The following TATDN1 variants were observed in gnomAD, a reference collection of about 807,000 sequenced individuals.
The protein encoded by TATDN1 is TatD DNase domain containing 1.
TATDN1 carries 40 observed loss-of-function variants against 46.4 expected under a neutral mutation model. That is an observed-to-expected ratio of 0.86 (90% confidence interval 0.67 to 1.12). The LOEUF (loss-of-function observed/expected upper bound fraction) is 1.12, where lower values mean the gene tolerates loss of function less well. Among genes scored for constraint, TATDN1 ranks in the 50% most tolerant of loss-of-function variants. The probability of loss-of-function intolerance (pLI) is 0.00; values close to 1 mark genes in which losing one functional copy is unlikely to be tolerated. For synonymous variants in TATDN1, 95 were observed against 105.6 expected, an observed-to-expected ratio of 0.90 and a Z score of 0.62; for missense variants, 326 against 348.4, an observed-to-expected ratio of 0.94 and a Z score of 0.51.
chr8:124,504,208 G>C (rs1818210197), intron 9 of TATDN1, 63 bp downstream of exon 9: 1 of 1,233,778 alleles, frequency 8.1e-7, no homozygotes, highest in Non-Finnish European at 1.2e-6. Flanking sequence ...GCAATTCACT[G>C]TAAGACAATT....
At chr8:124,509,629 C>T (rs1818830676) in intron 6 of TATDN1, among the ~76,000 whole-genome samples, 1 of 152,190 alleles carries the variant, frequency 6.6e-6, no homozygotes, top group Non-Finnish European at 1.5e-5. Flanking sequence ...TTAACTTAAG[C>T]CTCTCTTGCT....
At chr8:124,499,186 T>C (rs1336369336) in intron 9 of TATDN1, among the ~76,000 whole-genome samples, 1 of 151,868 alleles carries the variant, frequency 6.6e-6, no homozygotes, top group Non-Finnish European at 1.5e-5. Context: ...TTAGGAGGGG[T>C]GGGTGAGATG....
At chr8:124,511,645 TTC>T (rs1819027222) in intron 6 of TATDN1, among the ~76,000 whole-genome samples, 1 of 152,170 alleles carries the variant, frequency 6.6e-6, no homozygotes, top group Admixed American at 6.5e-5. Context: ...CACTCTTTGC[TTC>T]TCTTTCTTAG....
intron 1 of TATDN1, among the ~76,000 whole-genome samples, chr8:124,527,204 T>C (rs1820575936): frequency 6.6e-6 from 1 of 152,166 alleles, no homozygotes; most frequent in South Asian, 2.1e-4. Flanking sequence ...TCATGAAAGG[T>C]GGATTCATGC....
rs570941232 is a variant in TATDN1, at chr8:124,532,012, T to G, written c.22+7013A>C. On this transcript the variant is annotated intron_variant, in intron 1 of 11. Coordinates refer to ENST00000276692, the MANE Select transcript of TATDN1 (RefSeq NM_032026.4). ...ATTTCCCTCTTCCAGACTCCAAGACTGTCTTTTGTGAAAATAAGTCTGGAA... is the reference window on the plus strand; with the variant it reads ...ATTTCCCTCTTCCAGACTCCAAGACGGTCTTTTGTGAAAATAAGTCTGGAA... Among the ~76,000 whole-genome samples the G allele has an allele frequency of 3.3e-5, 5 of 152,170 alleles. No homozygotes were observed. In the South Asian group the frequency reaches 1.0e-3, roughly 31 times the overall value.
chr8:124,508,588 T>TTGGTTTTAACTCACCCAAAAATTCA lies in TATDN1; in HGVS notation c.465_475+14dup. On this transcript the variant is annotated intron_variant, in intron 7 of 11. Transcript: ENST00000276692. ...AAATTCTTAAGTTCTGAATGAGACTTTGGTTTTAACTCACCCAAAAATTCA... is the reference window on the plus strand; with the variant it reads ...AAATTCTTAAGTTCTGAATGAGACTTTGGTTTTAACTCACCCAAAAATTCATGGTTTTAACTCACCCAAAAATTCA... 6.2e-7 allele frequency: 1 copy of TTGGTTTTAACTCACCCAAAAATTCA among 1,605,806 alleles called. No homozygotes were observed. The highest frequency in any genetic ancestry group is 8.5e-7 in the Non-Finnish European group (1 of 1,176,874).
chr8:124,507,167 A>G (rs959981376), intron 8 of TATDN1, among the ~76,000 whole-genome samples: 1 of 152,176 alleles, frequency 6.6e-6, no homozygotes, highest in Middle Eastern at 3.4e-3. Flanking sequence ...TCTCAAAAAA[A>G]AAAAAATCAC....
chr8:124,497,176 G>T (rs1406351034), intron 9 of TATDN1, among the ~76,000 whole-genome samples: 1 of 152,062 alleles, frequency 6.6e-6, no homozygotes, highest in Non-Finnish European at 1.5e-5. Flanking sequence ...TTTATCTGTT[G>T]AAGAAACCAA....
chr8:124,517,372 G>A (rs1819570209), intron 4 of TATDN1, among the ~76,000 whole-genome samples: 1 of 150,282 alleles, frequency 6.7e-6, no homozygotes, highest in African/African-American at 2.4e-5. Context: ...AGGTTGCCGT[G>A]AGCCGAGATC....
intron 1 of TATDN1, among the ~76,000 whole-genome samples, chr8:124,532,605 T>C (rs1821064039): frequency 6.6e-6 from 1 of 152,180 alleles, no homozygotes; most frequent in Non-Finnish European, 1.5e-5. Flanking sequence ...CTTAATAGGT[T>C]GTCCAGAGGA....
In TATDN1 at chr8:124,488,637, G is replaced by A. The variant is rs769128343; in HGVS notation, c.851C>T (p.Thr284Ile). The change falls in exon 12 of 12, where the codon ACA (threonine) becomes ATA (isoleucine). Residue 284 changes from threonine to isoleucine, a missense_variant. Physicochemically the swap from Thr to Ile is moderately conservative, Grantham distance 89. Coordinates refer to ENST00000276692, the MANE Select transcript of TATDN1 (RefSeq NM_032026.4). Reference sequence around the variant, plus strand: ...TACTTTAATAGTATTGTTATATAGTGTATTGGCTAATTCCAGTGGATCCTC... The same window carrying A: ...TACTTTAATAGTATTGTTATATAGTATATTGGCTAATTCCAGTGGATCCTC... ...RDEDPLELAN[T>I]LYNNTIKVFF... 5 of 1,601,256 alleles carry A rather than the reference G, an allele frequency of 3.1e-6. No individual in the cohort carries two copies. The highest frequency in any genetic ancestry group is 1.7e-4 in the Middle Eastern group (1 of 6,036).
rs547079872 is a variant in TATDN1, at chr8:124,497,840, C to G, written c.594-2298G>C. Among the ~76,000 whole-genome samples the G allele has an allele frequency of 2.6e-5, 4 of 152,236 alleles. No homozygotes were observed. In the South Asian group the frequency reaches 6.2e-4, roughly 24 times the overall value. ...AGAGTACTTCCATAAAAAGAAAATT[C>G]TCTATGTCTACTACTTGATTGCTCA... is the stretch of plus-strand genomic sequence containing the variant. On this transcript the variant is annotated intron_variant, in intron 9 of 11. Coordinates refer to ENST00000276692, the MANE Select transcript of TATDN1 (RefSeq NM_032026.4).
intron 1 of TATDN1, 84 bp downstream of exon 1, chr8:124,538,941 G>A: frequency 3.2e-6 from 5 of 1,544,942 alleles, no homozygotes; most frequent in Non-Finnish European, 3.6e-6. Flanking sequence ...GCCGGAGGGC[G>A]CAATTCCTGG....
intron 11 of TATDN1, among the ~76,000 whole-genome samples, chr8:124,492,095 C>A (rs576637783): frequency 2.8e-4 from 43 of 152,208 alleles, no homozygotes; most frequent in African/African-American, 1.0e-3. Flanking sequence ...CTGCCTCAGC[C>A]TCCTGAGTAG....
chr8:124,504,062 T>G (rs1563655300), intron 9 of TATDN1: 3 of 806,430 alleles, frequency 3.7e-6, no homozygotes, highest in South Asian at 1.9e-5. Context: ...TAGAACATAA[T>G]GTAGTAGTCT....
At chr8:124,490,725 T>G (rs1816911101) in intron 11 of TATDN1, among the ~76,000 whole-genome samples, 1 of 151,250 alleles carries the variant, frequency 6.6e-6, no homozygotes, top group Admixed American at 6.6e-5. Context: ...TTGTTTAATG[T>G]GGCACTTTTA....
chr8:124,489,460 C>T (rs1325002118), intron 11 of TATDN1: 3 of 150,750 alleles, frequency 2.0e-5, no homozygotes, highest in Admixed American at 6.7e-5. Flanking sequence ...GTTGCTCAGG[C>T]TGGAGTGCAG....
chr8:124,495,459 A>G lies in TATDN1; in HGVS notation c.664+13T>C, dbSNP rs773295747. On this transcript the variant is annotated intron_variant, in intron 10 of 11. Transcript: ENST00000276692. ...TGGTTTAATATGAAACAAAGTTCTG[A>G]AAACAAACTTACCTGTCTCAATCAT... 2.5e-6 allele frequency: 4 copies of G among 1,595,106 alleles called. No individual in the cohort carries two copies. Among genetic ancestry groups the G allele is most frequent in the South Asian group, 2.3e-5 (2 of 87,454 alleles).
At chr8:124,489,142 A>AT (rs1177195991) in intron 11 of TATDN1, 1 of 158,530 alleles carries the variant, frequency 6.3e-6, no homozygotes, top group Non-Finnish European at 1.4e-5. Flanking sequence ...TCACAACGTA[A>AT]TTTGTACTGT....
Sources: allele counts gnomAD v4.1 joint callset (sites outside exome capture counted in the v4.1 genomes callset), GRCh38; gene constraint gnomAD v4.1.1; transcripts MANE v1.5; gene names NCBI Gene and HGNC (gene_info 2026-07-23, HGNC 2026-07-21).